GABRG2: variants seen among roughly 807,000 people sequenced by gnomAD.
The protein encoded by GABRG2 is gamma-aminobutyric acid type A receptor subunit gamma2.
In GABRG2, 16 loss-of-function variants were observed where a neutral mutation model predicts 56.4. The observed-to-expected ratio is 0.28, with a 90% CI of 0.19 to 0.43. The LOEUF (loss-of-function observed/expected upper bound fraction) is 0.43, where lower values mean the gene tolerates loss of function less well. GABRG2 is among the 20% of genes least tolerant of loss of function. The pLI is 1.00. For synonymous variants in GABRG2, 208 were observed against 205.5 expected (o/e 1.01, Z -0.10); for missense variants, 327 against 582.7 (o/e 0.56, Z 4.52).
chr5:162,126,930 T>C (rs527292194), intron 6 of GABRG2, among the ~76,000 whole-genome samples: 1 of 152,142 alleles, frequency 6.6e-6, no homozygotes, highest in South Asian at 2.1e-4. Flanking sequence ...CAACAAACTC[T>C]GGTTGTTATA....
chr5:162,095,701 CT>C (rs1336200932), intron 3 of GABRG2, 139 bp downstream of exon 3: 16 of 651,476 alleles, frequency 2.5e-5, no homozygotes, highest in African/African-American at 5.5e-5. Context: ...CTTCCAGATC[CT>C]TTTTTTCTTG....
chr5:162,075,607 C>G (rs775990940), intron 1 of GABRG2, among the ~76,000 whole-genome samples: 7 of 152,128 alleles, frequency 4.6e-5, no homozygotes, highest in Non-Finnish European at 2.9e-5. Context: ...TGCCTAGCCT[C>G]TAACGGATGT....
chr5:162,116,445 C>A (rs973836958), intron 6 of GABRG2, among the ~76,000 whole-genome samples: 1 of 151,478 alleles, frequency 6.6e-6, no homozygotes, highest in African/African-American at 2.4e-5. Context: ...TTCTCATAGC[C>A]AAAAGGGGAA....
At chr5:162,146,838 A>G (rs1181854009) in intron 7 of GABRG2, among the ~76,000 whole-genome samples, 1 of 152,212 alleles carries the variant, frequency 6.6e-6, no homozygotes, top group African/African-American at 2.4e-5. Flanking sequence ...TTAAACCAAC[A>G]TCAGTCTTTC....
At chr5:162,120,611 T>C (rs1320189597) in intron 6 of GABRG2, among the ~76,000 whole-genome samples, 1 of 152,126 alleles carries the variant, frequency 6.6e-6, no homozygotes, top group Non-Finnish European at 1.5e-5. Context: ...TGAGCTCTCA[T>C]GCCACCTCTG....
At chr5:162,104,592 T>C (rs1043241279) in intron 6 of GABRG2, among the ~76,000 whole-genome samples, 9 of 152,094 alleles carry the variant, frequency 5.9e-5, no homozygotes, top group Non-Finnish European at 1.0e-4. Context: ...AGATACCTAA[T>C]GTGCATTAAA....
At chr5:162,113,816 T>C (rs1242643454) in intron 6 of GABRG2, among the ~76,000 whole-genome samples, 1 of 152,184 alleles carries the variant, frequency 6.6e-6, no homozygotes, top group East Asian at 1.9e-4. Flanking sequence ...TGGACACCAA[T>C]TGTAATCGCC....
At chr5:162,085,834 G>C (rs554989272) in intron 1 of GABRG2, among the ~76,000 whole-genome samples, 1 of 151,766 alleles carries the variant, frequency 6.6e-6, no homozygotes, top group Admixed American at 6.6e-5. Flanking sequence ...GCGGTATTTG[G>C]TTTTCTGTTC....
intron 6 of GABRG2, among the ~76,000 whole-genome samples, chr5:162,136,602 G>A (rs1764150073): frequency 6.6e-6 from 1 of 151,920 alleles, no homozygotes; most frequent in African/African-American, 2.4e-5. Context: ...AAATCATAGA[G>A]GCAAGAAATA....
intron 1 of GABRG2, among the ~76,000 whole-genome samples, chr5:162,091,238 A>G (rs938930418): frequency 6.6e-6 from 1 of 151,954 alleles, no homozygotes; most frequent in Non-Finnish European, 1.5e-5. Context: ...TACATGTTTG[A>G]AGCTGGTGTT....
intron 6 of GABRG2, among the ~76,000 whole-genome samples, chr5:162,138,764 A>C (rs1011362082): frequency 1.3e-5 from 2 of 152,200 alleles, no homozygotes; most frequent in Admixed American, 6.5e-5. Flanking sequence ...CTGATAAAGC[A>C]TTTAGGATAT....
intron 6 of GABRG2, among the ~76,000 whole-genome samples, chr5:162,110,439 A>G (rs1477323515): frequency 1.3e-5 from 2 of 152,122 alleles, no homozygotes; most frequent in African/African-American, 2.4e-5. Context: ...ATGTTTACAT[A>G]TGAATAAAAT....
intron 6 of GABRG2, among the ~76,000 whole-genome samples, chr5:162,126,471 C>G (rs1763347230): frequency 6.6e-6 from 1 of 151,908 alleles, no homozygotes; most frequent in African/African-American, 2.4e-5. Flanking sequence ...GTGTGAGACT[C>G]CACTTGACAT....
intron 6 of GABRG2, among the ~76,000 whole-genome samples, chr5:162,114,555 A>ATAAG (rs1762481485): frequency 6.6e-6 from 1 of 152,134 alleles, no homozygotes; most frequent in Non-Finnish European, 1.5e-5. Context: ...AAATAAATAA[A>ATAAG]TAAGATAAAT....
At chr5:162,130,328 T>C (rs1763648930) in intron 6 of GABRG2, among the ~76,000 whole-genome samples, 2 of 151,942 alleles carry the variant, frequency 1.3e-5, no homozygotes, top group Admixed American at 6.6e-5. Context: ...GGGAACATTT[T>C]GTGATTTGAC....
chr5:162,149,297 A>C lies in GABRG2; in HGVS notation c.1112A>C (p.Lys371Thr), dbSNP rs796052512. 1.9e-6 allele frequency: 3 copies of C among 1,613,974 alleles called. No individual in the cohort carries two copies. Among genetic ancestry groups the C allele is most frequent in the Non-Finnish European group, 2.5e-6 (3 of 1,179,808 alleles). The change falls in exon 8 of 10, where the codon AAA becomes ACA. Residue 371 changes from lysine to threonine, a missense_variant. Around this residue, in one of 4 missense-constraint regions of GABRG2, gnomAD observed 108 missense variants for 144.2 expected, o/e 0.75. Coordinates refer to ENST00000639213, the MANE Select transcript of GABRG2 (RefSeq NM_198904.4). ...SNRKPSKDKD[K>T]KKKNPLLRMF... ...CGGAAACCAAGCAAGGACAAAGATA[A>C]AAAGAAGAAAAACCCTGTATGTATC...
chr5:162,095,118 A>G (rs1380058456), intron 2 of GABRG2, among the ~76,000 whole-genome samples: 1 of 152,144 alleles, frequency 6.6e-6, no homozygotes, highest in Non-Finnish European at 1.5e-5. Flanking sequence ...ATTTTTCTAT[A>G]TGGGTCCAGT....
At chr5:162,105,814 T>TACAC (rs67276484) in intron 6 of GABRG2, among the ~76,000 whole-genome samples, 70,393 of 147,302 alleles carry the variant, frequency 0.48, 17,397 homozygotes, top group South Asian at 0.63. Flanking sequence ...AGAAAACACA[T>TACAC]ACACACACAC....
At chr5:162,143,634 A>T (rs1454540038) in intron 7 of GABRG2, among the ~76,000 whole-genome samples, 1 of 152,192 alleles carries the variant, frequency 6.6e-6, no homozygotes, top group African/African-American at 2.4e-5. Flanking sequence ...ATAGCTAGGA[A>T]ATTGGGTTTT....
Sources: gnomAD v4.1 joint callset for allele counts (sites outside exome capture counted in the v4.1 genomes callset) on GRCh38, gnomAD v4.1.1 for gene constraint, gnomAD v4.1.1 regional missense constraint, MANE v1.5 for transcripts, NCBI Gene and HGNC (gene_info 2026-07-23, HGNC 2026-07-21) for gene names.